Variants in MYO1D observed in about 807,000 individuals in gnomAD.
MYO1D encodes unconventional myosin-Id.
In MYO1D, 83 loss-of-function variants were observed where a neutral mutation model predicts 122.0. The ratio of observed to expected loss-of-function variants is 0.68; its 90% confidence interval spans 0.57 to 0.82. MYO1D has a LOEUF of 0.82. Ranked by LOEUF, MYO1D falls within the 40% of genes least tolerant of loss-of-function variation. The probability of loss-of-function intolerance (pLI) is 0.00; values close to 1 mark genes in which losing one functional copy is unlikely to be tolerated. For synonymous variants in MYO1D, 464 were observed against 446.9 expected (o/e 1.04, Z -0.48); for missense variants, 1,157 against 1,269.5 (o/e 0.91, Z 1.35).
In MYO1D at chr17:32,651,205, T is replaced by C. The variant is rs142795531; in HGVS notation, c.2595+2638A>G. ...ATGAGGTTTTCCAGTCTGGCTGGTG[T>C]GAACAGGCACTACTTGCAACCCTGT... On this transcript the variant is annotated intron_variant, in intron 19 of 21. Transcript: ENST00000318217. Among the ~76,000 whole-genome samples, 407 of 152,358 alleles carry C rather than the reference T, an allele frequency of 2.7e-3. 2 individuals are homozygous for C. Among genetic ancestry groups the C allele is most frequent in the African/African-American group, 9.3e-3 (386 of 41,582 alleles).
Position 32,763,980 on chromosome 17 carries a change from T to C in MYO1D, c.1035+898A>G, listed in dbSNP as rs558123384. Among the ~76,000 whole-genome samples, 157 of 152,174 alleles carry C rather than the reference T, an allele frequency of 1.0e-3. 3 individuals carry two copies. The South Asian group carries it at 0.031, about 30-fold the overall frequency. On this transcript the variant is annotated intron_variant, in intron 8 of 21. Transcript: ENST00000318217. ...TGGCAAGCTCACTCCTGGGAATCCA[T>C]CCAGCTGAAACAAAAGCACTAGTAT...
chr17:32,777,376 A>G (rs1011708441), intron 3 of MYO1D, among the ~76,000 whole-genome samples: 2 of 152,132 alleles, frequency 1.3e-5, no homozygotes, highest in Admixed American at 1.3e-4. Flanking sequence ...GAAGATTGTT[A>G]TGTGTAGATG....
intron 21 of MYO1D, among the ~76,000 whole-genome samples, chr17:32,581,893 T>C (rs1031111351): frequency 6.6e-5 from 10 of 151,994 alleles, no homozygotes; most frequent in Non-Finnish European, 1.3e-4. Flanking sequence ...GCCTCCTGAG[T>C]AGTTGGGACT....
intron 20 of MYO1D, among the ~76,000 whole-genome samples, chr17:32,626,931 T>C (rs2087935417): frequency 6.6e-6 from 1 of 152,230 alleles, no homozygotes; most frequent in African/African-American, 2.4e-5. Context: ...AAAGAATGTT[T>C]CATTGCCAAA....
At chr17:32,568,017 C>G (rs2087188652) in intron 21 of MYO1D, among the ~76,000 whole-genome samples, 1 of 152,068 alleles carries the variant, frequency 6.6e-6, no homozygotes, top group Non-Finnish European at 1.5e-5. Context: ...AAAAGGTATG[C>G]TGCAATAATG....
At chr17:32,547,529 G>A (rs1050275466) in intron 21 of MYO1D, among the ~76,000 whole-genome samples, 5 of 152,218 alleles carry the variant, frequency 3.3e-5, no homozygotes, top group Non-Finnish European at 7.3e-5. Context: ...TTCTGCTGCC[G>A]CAGAATCACA....
At chr17:32,570,275 A>G (rs2087211188) in intron 21 of MYO1D, among the ~76,000 whole-genome samples, 1 of 152,164 alleles carries the variant, frequency 6.6e-6, no homozygotes, top group African/African-American at 2.4e-5. Flanking sequence ...TTGTCCTTAC[A>G]TTTAATCAAA....
chr17:32,780,863 T>C, intron 1 of MYO1D, 79 bp from the exon 2 acceptor site: 1 of 1,321,790 alleles, frequency 7.6e-7, no homozygotes, highest in Non-Finnish European at 1.1e-6. Context: ...GTCTCTTATT[T>C]CCAAGGAAGT....
chr17:32,589,671 G>A (rs1384172762), intron 21 of MYO1D, among the ~76,000 whole-genome samples: 1 of 152,088 alleles, frequency 6.6e-6, no homozygotes, highest in Non-Finnish European at 1.5e-5. Context: ...CTCTCCCTAC[G>A]AACAGCTGTA....
intron 14 of MYO1D, among the ~76,000 whole-genome samples, chr17:32,724,362 G>T (rs888586964): frequency 6.6e-6 from 1 of 152,100 alleles, no homozygotes; most frequent in Admixed American, 6.5e-5. Flanking sequence ...GAAGATACGG[G>T]GGCTTTCTTT....
In MYO1D at chr17:32,580,289, ATTTTTTTTTTTTTTTTTTTTTTT is replaced by A. The variant is rs71144843; in HGVS notation, c.2864+24775_2864+24797del. On this transcript the variant is annotated intron_variant, in intron 21 of 21. Coordinates refer to ENST00000318217, the MANE Select transcript of MYO1D (RefSeq NM_015194.3). ...CTTCTATTGTTAGTCTGCTAAGAGG[ATTTTTTTTTTTTTTTTTTTTTTT>A]TTTTTTTTTTTTTACCAGAAATGGA... Among the ~76,000 whole-genome samples, 105 of 39,150 alleles carry A rather than the reference ATTTTTTTTTTTTTTTTTTTTTTT, an allele frequency of 2.7e-3. 1 individual carries two copies. Among genetic ancestry groups the A allele is most frequent in the Admixed American group, 0.012 (27 of 2,322 alleles). 25.7% of individuals were successfully genotyped at this position (39,150 alleles called of 152,430 possible). A position where few individuals can be genotyped will look rare whatever the true frequency, so the allele number is the denominator to read the frequency against.
chr17:32,666,109 A>G (rs1404451508), intron 16 of MYO1D, among the ~76,000 whole-genome samples: 1 of 152,180 alleles, frequency 6.6e-6, no homozygotes, highest in Non-Finnish European at 1.5e-5. Context: ...GTAGTCCCTT[A>G]GCTTTGTGTG....
At chr17:32,539,108 A>C (rs796546677) in intron 21 of MYO1D, among the ~76,000 whole-genome samples, 3 of 152,172 alleles carry the variant, frequency 2.0e-5, no homozygotes, top group African/African-American at 7.2e-5. Flanking sequence ...CCTGGAACTT[A>C]AAATAAATAA....
chr17:32,719,348 G>GT (rs2089482434), intron 15 of MYO1D, among the ~76,000 whole-genome samples: 1 of 135,272 alleles, frequency 7.4e-6, no homozygotes, highest in African/African-American at 2.6e-5. Context: ...ACATCTCCTT[G>GT]CCCTTTTTTT....
At chr17:32,722,048 CT>C (rs1009810531) in intron 14 of MYO1D, among the ~76,000 whole-genome samples, 2 of 152,178 alleles carry the variant, frequency 1.3e-5, no homozygotes, top group African/African-American at 2.4e-5. Context: ...GTTTTGAGCT[CT>C]GCTGAGGGCT....
At position 32,782,590 on chromosome 17, in the gene MYO1D, T is replaced by C. The variant is rs375606301; in HGVS notation, c.96-1806A>G. 3.9e-5 allele frequency among the ~76,000 whole-genome samples: 6 copies of C among 152,368 alleles called. No homozygotes were observed. In the East Asian group the frequency reaches 9.6e-4, roughly 24 times the overall value. On this transcript the variant is annotated intron_variant, in intron 1 of 21. Transcript: ENST00000318217. ...ATTTTTGTTTTATAAACATTGCTACTGAAATCACAACAATCCTTACACATG... is the reference window on the plus strand; with the variant it reads ...ATTTTTGTTTTATAAACATTGCTACCGAAATCACAACAATCCTTACACATG...
In MYO1D at chr17:32,494,646, T is replaced by C; in HGVS notation, c.*113A>G. The C allele has an allele frequency of 7.9e-7, 1 of 1,271,500 alleles. No homozygotes were observed. Among genetic ancestry groups the C allele is most frequent in the South Asian group, 1.5e-5 (1 of 65,818 alleles). 78.8% of individuals were successfully genotyped at this position (1,271,500 alleles called of 1,614,324 possible). On this transcript the variant is annotated 3_prime_UTR_variant, in exon 22 of 22. Transcript: ENST00000318217. The stretch of plus-strand genomic sequence containing the variant: ...AAATCTTACAGGGGCGGGGCTCCTC[T>C]GGGAGGGGCCCTCGCAGCAGGTTTC...
intron 21 of MYO1D, among the ~76,000 whole-genome samples, chr17:32,524,522 A>G (rs1910270771): frequency 6.6e-6 from 1 of 150,904 alleles, no homozygotes; most frequent in South Asian, 2.1e-4. Flanking sequence ...CCTCCAGAGT[A>G]GCTGGGACCA....
At chr17:32,500,968 C>T (rs780666721) in intron 21 of MYO1D, among the ~76,000 whole-genome samples, 1 of 149,534 alleles carries the variant, frequency 6.7e-6, no homozygotes, top group Non-Finnish European at 1.5e-5. Flanking sequence ...AAGATCGTGC[C>T]ACTGCACTCC....
Sources: gnomAD v4.1 joint callset for allele counts (sites outside exome capture counted in the v4.1 genomes callset) on GRCh38, gnomAD v4.1.1 for gene constraint, MANE v1.5 for transcripts, NCBI Gene and HGNC (gene_info 2026-07-23, HGNC 2026-07-21) for gene names.